Variants in UPK1B observed in about 807,000 individuals in gnomAD.
UPK1B encodes the protein uroplakin 1B.
UPK1B carries 28 observed loss-of-function variants against 34.2 expected under a neutral mutation model. The observed-to-expected ratio is 0.82, with a 90% CI of 0.61 to 1.12. The LOEUF is 1.12. UPK1B is among the 50% of genes most tolerant of loss of function. The pLI is 0.00. For missense variants in UPK1B, 325 were observed against 320.9 expected (o/e 1.01, Z -0.10); for synonymous variants, 81 against 110.4 (o/e 0.73, Z 1.67).
intron 6 of UPK1B, among the ~76,000 whole-genome samples, chr3:119,197,101 A>G (rs2078071058): frequency 6.6e-6 from 1 of 152,168 alleles, no homozygotes; most frequent in Admixed American, 6.5e-5. Context: ...ACAATGCACA[A>G]ATGTGCTGCT....
At chr3:119,193,497 A>T (rs1380035561) in intron 5 of UPK1B, among the ~76,000 whole-genome samples, 1 of 152,192 alleles carries the variant, frequency 6.6e-6, no homozygotes, top group Non-Finnish European at 1.5e-5. Context: ...CTCTATTCTC[A>T]ATTCTATCCA....
rs1316857058 is a variant in UPK1B at position 119,187,206 on chromosome 3, C to G, written c.69+396C>G. On this transcript the variant is annotated intron_variant, in intron 2 of 7. Transcript: ENST00000264234. Reference sequence around the variant, plus strand: ...TGTTCTTCTCATACAGAGGCCAGTACCAGGGTGTAAGAATAATACAGAGGC... The same window carrying G: ...TGTTCTTCTCATACAGAGGCCAGTAGCAGGGTGTAAGAATAATACAGAGGC... Among the ~76,000 whole-genome samples the G allele has an allele frequency of 5.3e-5, 8 of 152,056 alleles. No individual in the cohort carries two copies. The South Asian group carries it at 1.7e-3, about 32-fold the overall frequency.
At chr3:119,180,993 TG>T (rs1225207778) in intron 1 of UPK1B, among the ~76,000 whole-genome samples, 2 of 152,380 alleles carry the variant, frequency 1.3e-5, no homozygotes, top group East Asian at 3.9e-4. Context: ...ACACAGACTT[TG>T]TAAGGTCAGC....
At chr3:119,181,723 G>A (rs2077990247) in intron 1 of UPK1B, among the ~76,000 whole-genome samples, 1 of 152,116 alleles carries the variant, frequency 6.6e-6, no homozygotes. Flanking sequence ...TTTTTATTTA[G>A]CAAAACAATT....
intron 6 of UPK1B, among the ~76,000 whole-genome samples, chr3:119,194,710 T>A (rs960318130): frequency 6.6e-6 from 1 of 152,164 alleles, no homozygotes; most frequent in East Asian, 1.9e-4. Flanking sequence ...TTAAACAAAG[T>A]TTTGCTCTAG....
intron 6 of UPK1B, among the ~76,000 whole-genome samples, chr3:119,197,857 CT>C (rs35624468): frequency 0.27 from 40,724 of 151,956 alleles, 5,608 homozygotes; most frequent in Middle Eastern, 0.38. Flanking sequence ...TCAGGAAAGG[CT>C]TTGTTGAGAT....
chr3:119,195,331 C>T (rs2078061856), intron 6 of UPK1B, among the ~76,000 whole-genome samples: 1 of 152,224 alleles, frequency 6.6e-6, no homozygotes, highest in Non-Finnish European at 1.5e-5. Flanking sequence ...TTAAGGAAAG[C>T]TAGTTGTGTA....
intron 6 of UPK1B, among the ~76,000 whole-genome samples, chr3:119,197,481 AGATGAACG>A (rs2078072124): frequency 6.6e-6 from 1 of 152,224 alleles, no homozygotes; most frequent in Non-Finnish European, 1.5e-5. Context: ...ATATATTATT[AGATGAACG>A]ACCACCTCCC....
At chr3:119,177,634 G>A (rs547909234) in intron 1 of UPK1B, among the ~76,000 whole-genome samples, 3 of 152,334 alleles carry the variant, frequency 2.0e-5, no homozygotes, top group Admixed American at 6.5e-5. Context: ...TACCAAAAGT[G>A]TAGTCATTGA....
At chr3:119,200,914 T>A (rs933580004) in intron 7 of UPK1B, among the ~76,000 whole-genome samples, 5 of 152,266 alleles carry the variant, frequency 3.3e-5, no homozygotes, top group Non-Finnish European at 5.9e-5. Flanking sequence ...CAGACTGTTT[T>A]ATGAATGAAT....
intron 7 of UPK1B, among the ~76,000 whole-genome samples, chr3:119,199,670 T>C (rs2078082852): frequency 6.6e-6 from 1 of 152,208 alleles, no homozygotes; most frequent in Non-Finnish European, 1.5e-5. Flanking sequence ...GGGAAACTTT[T>C]TTTAAAAATT....
intron 1 of UPK1B, among the ~76,000 whole-genome samples, chr3:119,180,178 T>C (rs1439876957): frequency 6.6e-6 from 1 of 152,186 alleles, no homozygotes. Context: ...TCTGTTACAG[T>C]CCTCTTAGGG....
chr3:119,194,964 A>G (rs1016209589), intron 6 of UPK1B, among the ~76,000 whole-genome samples: 1 of 152,234 alleles, frequency 6.6e-6, no homozygotes, highest in African/African-American at 2.4e-5. Context: ...CATGAAAACT[A>G]ACATTTATTG....
At chr3:119,176,393 A>G (rs1339146117) in intron 1 of UPK1B, among the ~76,000 whole-genome samples, 1 of 152,238 alleles carries the variant, frequency 6.6e-6, no homozygotes, top group African/African-American at 2.4e-5. Flanking sequence ...TGTGTCTGGA[A>G]ACATCAACAC....
intron 7 of UPK1B, among the ~76,000 whole-genome samples, chr3:119,200,753 C>CA (rs1424314744): frequency 6.6e-6 from 1 of 152,216 alleles, no homozygotes; most frequent in Non-Finnish European, 1.5e-5. Flanking sequence ...CTTGAAGTGA[C>CA]AGACTCACTT....
Position 119,190,991 on chromosome 3 carries a change from A to C in UPK1B, c.355A>C (p.Asn119His). The C allele has an allele frequency of 6.2e-7, 1 of 1,613,936 alleles. No homozygotes were observed. The change falls in exon 5 of 8, where the codon AAC (asparagine) becomes CAC (histidine). Residue 119 changes from asparagine (N) to histidine (H), a missense_variant. By Grantham distance (68) the Asn-to-His change is moderately conservative (BLOSUM62 1). Transcript: ENST00000264234. The part of the protein sequence containing the change: ...AATQQDFFTP[N>H]LFLKQMLERY... ...CCTCTTCCTACTATAGTTCACACCC[A>C]ACCTCTTCCTGAAGCAGATGCTAGA...
intron 7 of UPK1B, among the ~76,000 whole-genome samples, chr3:119,200,776 AG>A (rs1459527969): frequency 6.6e-6 from 1 of 152,264 alleles, no homozygotes; most frequent in East Asian, 1.9e-4. Context: ...TAAATTTTCA[AG>A]AAAATATCTG....
intron 7 of UPK1B, among the ~76,000 whole-genome samples, 173 bp downstream of exon 7, chr3:119,199,313 G>A (rs1179064904): frequency 2.0e-5 from 3 of 152,188 alleles, no homozygotes; most frequent in Non-Finnish European, 4.4e-5. Context: ...CTCTTGAGAG[G>A]CAAGGAGTTA....
At chr3:119,190,942 G>T (rs370224982) in intron 4 of UPK1B, 40 bp from the exon 5 acceptor site, 9 of 1,607,038 alleles carry the variant, frequency 5.6e-6, no homozygotes, top group Non-Finnish European at 6.8e-6. Flanking sequence ...GAAAATTAGC[G>T]TGCTATCTCT....
Sources: gnomAD v4.1 joint callset for allele counts (sites outside exome capture counted in the v4.1 genomes callset) on GRCh38, gnomAD v4.1.1 for gene constraint, MANE v1.5 for transcripts, NCBI Gene and HGNC (gene_info 2026-07-23, HGNC 2026-07-21) for gene names.